VPS13B: variants seen among roughly 807,000 people sequenced by gnomAD.
VPS13B encodes vacuolar protein sorting 13 homolog B.
VPS13B carries 285 observed loss-of-function variants against 426.4 expected under a neutral mutation model. The ratio of observed to expected loss-of-function variants is 0.67; its 90% CI spans 0.61 to 0.74. The LOEUF (loss-of-function observed/expected upper bound fraction) is 0.74. VPS13B is among the 30% of genes least tolerant of loss of function. The pLI is 0.00. For missense variants in VPS13B, 4,537 were observed against 4,782.6 expected (o/e 0.95, Z 1.51); for synonymous variants, 1,676 against 1,676.4 (o/e 1.00, Z 0.01).
intron 34 of VPS13B, among the ~76,000 whole-genome samples, chr8:99,644,719 G>A (rs181626469): frequency 4.5e-4 from 68 of 152,186 alleles, no homozygotes; most frequent in African/African-American, 1.4e-3. Flanking sequence ...TTAGTAATAA[G>A]CAAAAGTTAT....
intron 5 of VPS13B, among the ~76,000 whole-genome samples, chr8:99,104,832 C>T (rs771470315): frequency 6.6e-6 from 1 of 152,040 alleles, no homozygotes; most frequent in African/African-American, 2.4e-5. Context: ...GCCCTGTTGC[C>T]CAGGCTGGTC....
intron 21 of VPS13B, among the ~76,000 whole-genome samples, chr8:99,396,305 A>T (rs1326318262): frequency 1.3e-5 from 2 of 152,198 alleles, no homozygotes; most frequent in African/African-American, 4.8e-5. Flanking sequence ...TATAATTAAG[A>T]CTATTGAGTC....
At chr8:99,833,808 G>A (rs532073655) in intron 52 of VPS13B, among the ~76,000 whole-genome samples, 2 of 152,164 alleles carry the variant, frequency 1.3e-5, no homozygotes, top group African/African-American at 2.4e-5. Context: ...GCTAGATATT[G>A]GACAGAAAGT....
At chr8:99,409,110 C>T (rs947510507) in intron 21 of VPS13B, among the ~76,000 whole-genome samples, 1 of 152,104 alleles carries the variant, frequency 6.6e-6, no homozygotes, top group Non-Finnish European at 1.5e-5. Context: ...TTTAGCCACT[C>T]TGAGGATCCT....
At chr8:99,527,621 C>A (rs540769966) in intron 30 of VPS13B, among the ~76,000 whole-genome samples, 67 of 152,124 alleles carry the variant, frequency 4.4e-4, no homozygotes, top group African/African-American at 1.6e-3. Flanking sequence ...CTTACACAAC[C>A]CCTTCTCCTG....
At chr8:99,633,987 G>A (rs1248032519) in intron 33 of VPS13B, among the ~76,000 whole-genome samples, 3 of 151,884 alleles carry the variant, frequency 2.0e-5, no homozygotes, top group South Asian at 2.1e-4. Flanking sequence ...GAGAAAGAAC[G>A]GAACAGAGAA....
chr8:99,494,554 A>G (rs1054485152), intron 25 of VPS13B, among the ~76,000 whole-genome samples: 1 of 152,072 alleles, frequency 6.6e-6, no homozygotes, highest in Non-Finnish European at 1.5e-5. Flanking sequence ...GTATCCCACA[A>G]CTTTGTGGAA....
intron 3 of VPS13B, among the ~76,000 whole-genome samples, chr8:99,064,115 A>G (rs1844344505): frequency 6.6e-6 from 1 of 152,222 alleles, no homozygotes; most frequent in South Asian, 2.1e-4. Flanking sequence ...ACCAACATCA[A>G]AGACCAAAGG....
At chr8:99,765,670 G>A (rs1042841280) in intron 39 of VPS13B, among the ~76,000 whole-genome samples, 1 of 152,206 alleles carries the variant, frequency 6.6e-6, no homozygotes, top group Non-Finnish European at 1.5e-5. Flanking sequence ...TAGACATTTG[G>A]CACAGTTGAG....
At chr8:99,207,132 A>T (rs1317071185) in intron 17 of VPS13B, among the ~76,000 whole-genome samples, 1 of 152,154 alleles carries the variant, frequency 6.6e-6, no homozygotes, top group Non-Finnish European at 1.5e-5. Flanking sequence ...ATTTTACTAC[A>T]GCTTATGTCC....
intron 33 of VPS13B, among the ~76,000 whole-genome samples, chr8:99,621,615 C>T (rs912455271): frequency 6.6e-6 from 1 of 152,054 alleles, no homozygotes; most frequent in Non-Finnish European, 1.5e-5. Flanking sequence ...TGTCTTGTTG[C>T]AGAATTCGCT....
intron 17 of VPS13B, among the ~76,000 whole-genome samples, chr8:99,217,603 C>A (rs572397631): frequency 6.6e-6 from 1 of 152,176 alleles, no homozygotes; most frequent in South Asian, 2.1e-4. Flanking sequence ...TTGTGTATTT[C>A]ATTTTTGGTA....
chr8:99,418,599 A>T (rs1392107036), intron 21 of VPS13B, among the ~76,000 whole-genome samples: 2 of 148,406 alleles, frequency 1.3e-5, no homozygotes, highest in South Asian at 4.3e-4. Flanking sequence ...CCCAGGCTGG[A>T]GTGCATTGGT....
At chr8:99,159,211 T>G (rs1287269090) in intron 15 of VPS13B, among the ~76,000 whole-genome samples, 3 of 152,182 alleles carry the variant, frequency 2.0e-5, no homozygotes. Context: ...TGCTACAATC[T>G]CATGATAAAA....
At chr8:99,020,268 C>T (rs1221042369) in intron 2 of VPS13B, among the ~76,000 whole-genome samples, 1 of 151,898 alleles carries the variant, frequency 6.6e-6, no homozygotes, top group Non-Finnish European at 1.5e-5. Flanking sequence ...TACTTATTAG[C>T]TATGTTTGTC....
At chr8:99,229,904 C>T (rs1816232140) in intron 17 of VPS13B, among the ~76,000 whole-genome samples, 1 of 152,156 alleles carries the variant, frequency 6.6e-6, no homozygotes, top group Admixed American at 6.5e-5. Context: ...TACCTGTTTC[C>T]ACATTCAATA....
chr8:99,866,600 G>A (rs755734671), intron 58 of VPS13B, among the ~76,000 whole-genome samples: 1 of 152,242 alleles, frequency 6.6e-6, no homozygotes, highest in Admixed American at 6.5e-5. Context: ...CAGAGAAAAC[G>A]GAAGAGCAGA....
At chr8:99,104,390 T>C (rs926829074) in intron 5 of VPS13B, among the ~76,000 whole-genome samples, 2 of 152,196 alleles carry the variant, frequency 1.3e-5, no homozygotes, top group Non-Finnish European at 2.9e-5. Context: ...AAAAGTTAAA[T>C]GATATTTAGT....
chr8:99,469,036 G>A (rs1202708089), intron 24 of VPS13B, among the ~76,000 whole-genome samples: 2 of 151,812 alleles, frequency 1.3e-5, no homozygotes, highest in Non-Finnish European at 2.9e-5. Context: ...TAATATATTG[G>A]TAAGAGTCTT....
Sources: gnomAD v4.1 joint callset for allele counts (sites outside exome capture counted in the v4.1 genomes callset) on GRCh38, gnomAD v4.1.1 for gene constraint, MANE v1.5 for transcripts, NCBI Gene and HGNC (gene_info 2026-07-23, HGNC 2026-07-21) for gene names.